ACTR3C: variants seen among roughly 807,000 people sequenced by gnomAD.
ACTR3C encodes actin related protein 3C.
In ACTR3C, 18 loss-of-function variants were observed where a neutral mutation model predicts 26.3. The ratio of observed to expected loss-of-function variants is 0.68; its 90% CI spans 0.47 to 1.01. The LOEUF (loss-of-function observed/expected upper bound fraction) is 1.01. ACTR3C is among the 50% of genes least tolerant of loss of function. The pLI is 0.00. For missense variants in ACTR3C, 184 were observed against 250.7 expected (o/e 0.73, Z 1.80); for synonymous variants, 55 against 94.5 (o/e 0.58, Z 2.42).
At chr7:149,976,087 A>G in the ACTR3C span, among the ~76,000 whole-genome samples, 8 of 152,238 alleles carry the variant, frequency 5.3e-5, no homozygotes, top group Non-Finnish European at 1.0e-4. Flanking sequence ...TCAACTTTGC[A>G]TGAAACCAGA....
intron 6 of ACTR3C, among the ~76,000 whole-genome samples, chr7:150,267,944 C>T (rs570498229): frequency 6.6e-5 from 10 of 152,220 alleles, no homozygotes; most frequent in African/African-American, 1.4e-4. Context: ...CTTTTCAAAC[C>T]GTACACTTAC....
chr7:150,173,198 G>A, the ACTR3C span, among the ~76,000 whole-genome samples: 1 of 149,992 alleles, frequency 6.7e-6, no homozygotes, highest in East Asian at 1.9e-4. Context: ...GGTTCTACAT[G>A]AGTGCCCTGC....
the ACTR3C span, among the ~76,000 whole-genome samples, chr7:150,019,154 T>G: frequency 1.3e-5 from 2 of 150,186 alleles, 1 homozygote; most frequent in Non-Finnish European, 2.9e-5. Flanking sequence ...ATATATAAAA[T>G]ACAGTCCTGA....
the ACTR3C span, among the ~76,000 whole-genome samples, chr7:150,193,109 C>T: frequency 1.3e-5 from 2 of 152,148 alleles, no homozygotes; most frequent in Non-Finnish European, 2.9e-5. Flanking sequence ...CCCAGTCAAT[C>T]CTCATATGTG....
chr7:150,321,741 AAAAAAT>A (rs1041091855), intron 1 of ACTR3C, among the ~76,000 whole-genome samples: 2 of 152,224 alleles, frequency 1.3e-5, no homozygotes, highest in Admixed American at 6.5e-5. Context: ...CTCCATCTCA[AAAAAAT>A]AAAAATAAAA....
At chr7:150,172,032 G>T in the ACTR3C span, among the ~76,000 whole-genome samples, 2 of 150,608 alleles carry the variant, frequency 1.3e-5, no homozygotes, top group African/African-American at 2.5e-5. Flanking sequence ...GGATGGTCTC[G>T]ATCTCCTGAC....
chr7:150,279,443 A>T (rs1835140184), intron 6 of ACTR3C, among the ~76,000 whole-genome samples: 1 of 152,106 alleles, frequency 6.6e-6, no homozygotes, highest in African/African-American at 2.4e-5. Context: ...CCTTTGCTAT[A>T]GCAGGATGTA....
chr7:150,038,897 T>C, the ACTR3C span, among the ~76,000 whole-genome samples: 1 of 73,570 alleles, frequency 1.4e-5, no homozygotes, highest in Non-Finnish European at 3.0e-5. Flanking sequence ...GCCTCCCCCC[T>C]GCGATGGGGG....
At chr7:150,230,093 T>TG in the ACTR3C span, among the ~76,000 whole-genome samples, 2 of 150,856 alleles carry the variant, frequency 1.3e-5, no homozygotes, top group Admixed American at 1.3e-4. Flanking sequence ...GGAGTGATGA[T>TG]GGGTGCCTAT....
the ACTR3C span, among the ~76,000 whole-genome samples, chr7:150,213,855 GAGAA>G: frequency 6.9e-6 from 1 of 144,008 alleles, no homozygotes; most frequent in Non-Finnish European, 1.5e-5. Context: ...AAGAAGAGTA[GAGAA>G]AGAACTGACA....
intron 6 of ACTR3C, among the ~76,000 whole-genome samples, chr7:150,262,879 G>C (rs562024705): frequency 1.3e-5 from 2 of 152,358 alleles, no homozygotes; most frequent in African/African-American, 4.8e-5. Context: ...GCCCCCAAGG[G>C]CTTGAAAGTG....
At chr7:150,155,574 G>C in the ACTR3C span, among the ~76,000 whole-genome samples, 1 of 151,460 alleles carries the variant, frequency 6.6e-6, no homozygotes, top group Non-Finnish European at 1.5e-5. Flanking sequence ...ATCTGGGTCT[G>C]TAAAATGAGG....
the ACTR3C span, among the ~76,000 whole-genome samples, chr7:150,183,691 T>C: frequency 8.4e-6 from 1 of 119,396 alleles, no homozygotes; most frequent in Non-Finnish European, 1.6e-5. Context: ...TACAGGTGGC[T>C]ATGGCAAAAA....
the ACTR3C span, among the ~76,000 whole-genome samples, chr7:150,135,053 C>T: frequency 3.5e-3 from 540 of 152,326 alleles, 3 homozygotes; most frequent in African/African-American, 0.012. Flanking sequence ...CTCGGCCTCG[C>T]AAAGTGCTGG....
At chr7:150,143,579 A>G in the ACTR3C span, among the ~76,000 whole-genome samples, 5 of 152,192 alleles carry the variant, frequency 3.3e-5, no homozygotes, top group Non-Finnish European at 7.3e-5. Flanking sequence ...TCACACCCTG[A>G]GTCCTCTTCC....
the ACTR3C span, among the ~76,000 whole-genome samples, chr7:150,212,407 A>G: frequency 2.0e-5 from 3 of 148,510 alleles, 1 homozygote; most frequent in African/African-American, 7.9e-5. Context: ...AATGAGGACA[A>G]TTAAAATTTT....
At chr7:150,198,463 C>G in the ACTR3C span, among the ~76,000 whole-genome samples, 1 of 139,232 alleles carries the variant, frequency 7.2e-6, no homozygotes, top group Non-Finnish European at 1.5e-5. Flanking sequence ...GGCCGCCCAT[C>G]GTCTGAGATG....
At chr7:150,127,182 A>G in the ACTR3C span, among the ~76,000 whole-genome samples, 2 of 132,238 alleles carry the variant, frequency 1.5e-5, no homozygotes, top group South Asian at 4.7e-4. Context: ...ACACACACAC[A>G]CACACACGAG....
the ACTR3C span, among the ~76,000 whole-genome samples, chr7:150,209,827 C>T: frequency 1.3e-5 from 2 of 148,988 alleles, no homozygotes; most frequent in Non-Finnish European, 3.0e-5. Flanking sequence ...GAGGCAGTTT[C>T]AGGATCACTT....
Sources: allele counts gnomAD v4.1 joint callset (sites outside exome capture counted in the v4.1 genomes callset), GRCh38; gene constraint gnomAD v4.1.1; transcripts MANE v1.5; gene names NCBI Gene and HGNC (gene_info 2026-07-23, HGNC 2026-07-21).